GPRIN2: variants seen among roughly 807,000 people sequenced by gnomAD.
The protein encoded by GPRIN2 is G protein-regulated inducer of neurite outgrowth 2.
In GPRIN2, 1 loss-of-function variant was observed where a neutral mutation model predicts 0.3. The observed-to-expected ratio is 3.90, with a 90% confidence interval of 1.39 to 18.51. GPRIN2 has a LOEUF of 18.51. Ranked by LOEUF, GPRIN2 falls within the 30% of genes most tolerant of loss-of-function variation. The pLI, the probability that GPRIN2 is intolerant of heterozygous loss-of-function variation, is 0.11. For missense variants in GPRIN2, 880 were observed against 604.2 expected (o/e 1.46, Z -4.79); for synonymous variants, 361 against 258.6 (o/e 1.40, Z -3.80).
In GPRIN2 at chr10:46,549,900, G is replaced by A. The variant is rs1832557274; in HGVS notation, c.837C>T (p.His279=). ...GLQAQHGVKI[H]CRLSGGLPGH... ...CAGGGAGCCCCCCAGACAACCTACA[G>A]TGGATCTTCACCCCATGCTGAGCCT... The change falls in exon 3 of 3, where the codon CAC becomes CAT. Residue 279 remains histidine, a synonymous_variant. Transcript: ENST00000374314. 1.2e-6 allele frequency: 2 copies of A among 1,614,274 alleles called. No homozygotes were observed. Among genetic ancestry groups the A allele is most frequent in the Non-Finnish European group, 1.7e-6 (2 of 1,180,050 alleles).
rs1832652962 is a variant in GPRIN2 at position 46,549,618 on chromosome 10, C to T, written c.1119G>A (p.Glu373=). The part of the protein sequence containing the change: ...FPEVTLGSSL[E]EVPSPVRDVR... ...CATCCCGCACAGGGGACGGCACCTC[C>T]TCCAGGCTGGACCCCAGAGTTACCT... Residue 373 remains glutamate, a synonymous_variant, in exon 3 of 3, where the codon GAG becomes GAA. Transcript: ENST00000374314. 1.9e-6 allele frequency: 3 copies of T among 1,614,276 alleles called. No individual in the cohort carries two copies. Among genetic ancestry groups the T allele is most frequent in the Non-Finnish European group, 1.7e-6 (2 of 1,180,030 alleles).
chr10:46,545,805 T>C lies in GPRIN2; in HGVS notation c.*3555A>G, dbSNP rs1284097277. ...GTGCCAGGCACTACTTGGGTTATTC[T>C]ATTTAATCTCCACACCAAGCATGTG... On this transcript the variant is annotated 3_prime_UTR_variant, in exon 3 of 3. Coordinates refer to ENST00000374314, the MANE Select transcript of GPRIN2 (RefSeq NM_001385282.1). Among the ~76,000 whole-genome samples the C allele has an allele frequency of 1.3e-5, 2 of 152,308 alleles. No individual in the cohort carries two copies. The highest frequency in any genetic ancestry group is 4.8e-5 in the African/African-American group (2 of 41,486).
Position 46,547,200 on chromosome 10 carries a change from CA to C in GPRIN2, c.*2159del, listed in dbSNP as rs1842238611. ...GCCTCCTCCCCAAATCCATTGCACA[CA>C]TGTGTGCCTGTGTATGCGTGTGTGT... On this transcript the variant is annotated 3_prime_UTR_variant, in exon 3 of 3. Transcript: ENST00000374314. 6.6e-6 allele frequency among the ~76,000 whole-genome samples: 1 copy of C among 152,256 alleles called. No individual in the cohort carries two copies. Among genetic ancestry groups the C allele is most frequent in the Non-Finnish European group, 1.5e-5 (1 of 68,032 alleles).
In GPRIN2 at chr10:46,544,691, A is replaced by G. The variant is rs1370792159; in HGVS notation, c.*4669T>C. On this transcript the variant is annotated 3_prime_UTR_variant, in exon 3 of 3. Transcript: ENST00000374314. ...AACAACCTATTAAACAGAAGTAGGT[A>G]AAAGTTGAGAAAGGGAAGTGGCCAC... Among the ~76,000 whole-genome samples, 5 of 152,308 alleles carry G rather than the reference A, an allele frequency of 3.3e-5. No individual in the cohort carries two copies. Among genetic ancestry groups the G allele is most frequent in the African/African-American group, 4.8e-5 (2 of 41,488 alleles).
At chr10:46,553,871 G>A (rs1360696103) in intron 2 of GPRIN2, among the ~76,000 whole-genome samples, 6 of 152,306 alleles carry the variant, frequency 3.9e-5, no homozygotes, top group Admixed American at 6.5e-5. Context: ...GAAGGGCTCT[G>A]AGGGGAGTAC....
rs1842121732 is a variant in GPRIN2, at chr10:46,545,968, G to A, written c.*3392C>T. 6.6e-6 allele frequency among the ~76,000 whole-genome samples: 1 copy of A among 152,304 alleles called. No individual in the cohort carries two copies. Among genetic ancestry groups the A allele is most frequent in the African/African-American group, 2.4e-5 (1 of 41,488 alleles). The stretch of plus-strand genomic sequence containing the variant: ...TCCAGCTTTAGCCCACTAAGCTACG[G>A]TGGCCAACCCCAGCCCAAAGTGTTG... On this transcript the variant is annotated 3_prime_UTR_variant, in exon 3 of 3. Coordinates refer to ENST00000374314, the MANE Select transcript of GPRIN2 (RefSeq NM_001385282.1).
At position 46,549,642 on chromosome 10, in the gene GPRIN2, C is replaced by T; in HGVS notation, c.1095G>A (p.Glu365=). Residue 365 remains glutamate (E), a synonymous_variant, in exon 3 of 3, where the codon GAG becomes GAA. Transcript: ENST00000374314. ...CCTCCAGGCTGGACCCCAGAGTTAC[C>T]TCTGGGAACACATGCAGGGCTGCAG... ...EAPAALHVFP[E]VTLGSSLEEV... is the part of the protein sequence containing the mutation. The T allele has an allele frequency of 1.2e-6, 2 of 1,614,236 alleles. No homozygotes were observed. Among genetic ancestry groups the T allele is most frequent in the Non-Finnish European group, 1.7e-6 (2 of 1,180,006 alleles).
rs1435001425 is a variant in GPRIN2, at chr10:46,542,795, G to T, written c.*6565C>A. Among the ~76,000 whole-genome samples the T allele has an allele frequency of 1.3e-5, 2 of 152,310 alleles. No homozygotes were observed. The highest frequency in any genetic ancestry group is 4.8e-5 in the African/African-American group (2 of 41,486). ...AGAAGCATACAGGTGGGACAGTGCA[G>T]TGTGTCCCCACAGGGGCTCAGGCCA... On this transcript the variant is annotated 3_prime_UTR_variant, in exon 3 of 3. Coordinates refer to ENST00000374314, the MANE Select transcript of GPRIN2 (RefSeq NM_001385282.1).
rs2131611704 is a variant in GPRIN2 at position 46,547,402 on chromosome 10, C to G, written c.*1958G>C. 2.4e-4 allele frequency among the ~76,000 whole-genome samples: 36 copies of G among 152,410 alleles called. No homozygotes were observed. Among genetic ancestry groups the G allele is most frequent in the African/African-American group, 8.2e-4 (34 of 41,592 alleles). On this transcript the variant is annotated 3_prime_UTR_variant, in exon 3 of 3. Transcript: ENST00000374314. ...TTAAAGTTCCTTTCCTCATTTACAT[C>G]AGGATCTTCACAATGGGGACCCCTG...
In GPRIN2 at chr10:46,548,096, C is replaced by A. The variant is rs1842332631; in HGVS notation, c.*1264G>T. Among the ~76,000 whole-genome samples, 1 of 152,308 alleles carries A rather than the reference C, an allele frequency of 6.6e-6. No individual in the cohort carries two copies. Among genetic ancestry groups the A allele is most frequent in the South Asian group, 2.1e-4 (1 of 4,838 alleles). On this transcript the variant is annotated 3_prime_UTR_variant, in exon 3 of 3. Coordinates refer to ENST00000374314, the MANE Select transcript of GPRIN2 (RefSeq NM_001385282.1). ...GTCGTGGGCCATGACCCCACACTAGCCCTCTGGTCCCTCACACGGGTGGAT... is the reference window on the plus strand; with the variant it reads ...GTCGTGGGCCATGACCCCACACTAGACCTCTGGTCCCTCACACGGGTGGAT...
chr10:46,547,975 C>T lies in GPRIN2; in HGVS notation c.*1385G>A, dbSNP rs1842320708. ...ACTGTTGCATGAGTCATTTCCACCT[C>T]AATGAGTACCAGGTCCTTGAGGATG... On this transcript the variant is annotated 3_prime_UTR_variant, in exon 3 of 3. Coordinates refer to ENST00000374314, the MANE Select transcript of GPRIN2 (RefSeq NM_001385282.1). Among the ~76,000 whole-genome samples the T allele has an allele frequency of 6.6e-6, 1 of 152,310 alleles. No homozygotes were observed. Among genetic ancestry groups the T allele is most frequent in the Non-Finnish European group, 1.5e-5 (1 of 68,058 alleles).
Position 46,550,579 on chromosome 10 carries a change from C to T in GPRIN2, c.158G>A (p.Gly53Asp), listed in dbSNP as rs1832317156. 6.3e-7 allele frequency: 1 copy of T among 1,585,064 alleles called. No individual in the cohort carries two copies. Among genetic ancestry groups the T allele is most frequent in the South Asian group, 1.2e-5 (1 of 86,056 alleles). ...GGCCTGGGGTCTGGTGCTGGCCTCG[C>T]CCAGCTGGGCCTGCCACACGGTGCT... is the stretch of plus-strand genomic sequence containing the variant. ...ASSTVWQAQL[G>D]EASTRPQAPE... Residue 53 changes from glycine (G) to aspartate (D), a missense_variant, in exon 3 of 3, where the codon GGC (glycine) becomes GAC (aspartate). Physicochemically the swap from Gly to Asp is moderately conservative, Grantham distance 94. Transcript: ENST00000374314.
rs1398024273 is a variant in GPRIN2, at chr10:46,543,842, G to A, written c.*5518C>T. On this transcript the variant is annotated 3_prime_UTR_variant, in exon 3 of 3. Transcript: ENST00000374314. ...TTGGAGTGGGAGAAGCCAGGCAGGA[G>A]TCCTGGAGAGTGACCGCACAAGTGA... Among the ~76,000 whole-genome samples, 1 of 152,310 alleles carries A rather than the reference G, an allele frequency of 6.6e-6. No homozygotes were observed. The highest frequency in any genetic ancestry group is 6.5e-5 in the Admixed American group (1 of 15,294).
In GPRIN2 at chr10:46,549,218, T is replaced by C; in HGVS notation, c.*142A>G. The C allele has an allele frequency of 1.7e-6, 2 of 1,157,632 alleles. No homozygotes were observed. Among genetic ancestry groups the C allele is most frequent in the Admixed American group, 3.5e-5 (1 of 28,616 alleles). The allele number at this position is 1,157,632 out of a possible 1,614,324, so 71.7% of individuals were successfully genotyped here. ...GGCCGGAAGCCCCAGGCTGCAGTCC[T>C]GTGGTCTGGAGGCAGCCAATATTCA... On this transcript the variant is annotated 3_prime_UTR_variant, in exon 3 of 3. Coordinates refer to ENST00000374314, the MANE Select transcript of GPRIN2 (RefSeq NM_001385282.1).
In GPRIN2 at chr10:46,543,397, A is replaced by G. The variant is rs1212909978; in HGVS notation, c.*5963T>C. On this transcript the variant is annotated 3_prime_UTR_variant, in exon 3 of 3. Transcript: ENST00000374314. ...AGAACAAAGAGAACATGAAACCACA[A>G]AAGAAGAACAGATTAAAGAGAAATG... 6.6e-6 allele frequency among the ~76,000 whole-genome samples: 1 copy of G among 152,310 alleles called. No individual in the cohort carries two copies. Among genetic ancestry groups the G allele is most frequent in the African/African-American group, 2.4e-5 (1 of 41,488 alleles).
rs1841828034 is a variant in GPRIN2, at chr10:46,542,379, T to G, written c.*6981A>C. Among the ~76,000 whole-genome samples the G allele has an allele frequency of 6.6e-6, 1 of 152,310 alleles. No homozygotes were observed. Among genetic ancestry groups the G allele is most frequent in the Non-Finnish European group, 1.5e-5 (1 of 68,056 alleles). On this transcript the variant is annotated 3_prime_UTR_variant, in exon 3 of 3. Coordinates refer to ENST00000374314, the MANE Select transcript of GPRIN2 (RefSeq NM_001385282.1). ...TAATCCCCATGTGACAAGGGAGAGA[T>G]CAGGTGGAGGTGATGGAATCGTGGG...
rs1471513057 is a variant in GPRIN2 at position 46,541,889 on chromosome 10, G to C, written c.*7471C>G. On this transcript the variant is annotated 3_prime_UTR_variant, in exon 3 of 3. Transcript: ENST00000374314. ...ACGGTATCCCAGGTGCCAGCCCCCT[G>C]TGTCCACACCCCTGCTGGTTCCTGC... Among the ~76,000 whole-genome samples the C allele has an allele frequency of 6.6e-6, 1 of 152,302 alleles. No homozygotes were observed. Among genetic ancestry groups the C allele is most frequent in the Non-Finnish European group, 1.5e-5 (1 of 68,054 alleles).
At position 46,552,973 on chromosome 10, in the gene GPRIN2, T is replaced by C. The variant is rs1832080653; in HGVS notation, c.-7+1612A>G. Among the ~76,000 whole-genome samples, 5 of 152,428 alleles carry C rather than the reference T, an allele frequency of 3.3e-5. No homozygotes were observed. The East Asian group carries it at 5.8e-4, about 18-fold the overall frequency. On this transcript the variant is annotated intron_variant, in intron 2 of 2. Coordinates refer to ENST00000374314, the MANE Select transcript of GPRIN2 (RefSeq NM_001385282.1). ...AAACAAAGGAGGGCAATAAAGCCCG[T>C]AACAGCGATGATAATAACAGCTGCC... is the stretch of plus-strand genomic sequence containing the variant.
Position 46,548,698 on chromosome 10 carries a change from C to T in GPRIN2, c.*662G>A, listed in dbSNP as rs1842390384. The stretch of plus-strand genomic sequence containing the variant: ...ATGAGCTCAGTAAATTCTCCTCATA[C>T]ATGACTGCACTGACTGGACCGGGCA... On this transcript the variant is annotated 3_prime_UTR_variant, in exon 3 of 3. Transcript: ENST00000374314. 6.6e-6 allele frequency among the ~76,000 whole-genome samples: 1 copy of T among 152,312 alleles called. No homozygotes were observed. The highest frequency in any genetic ancestry group is 6.5e-5 in the Admixed American group (1 of 15,294).
Sources: gnomAD v4.1 joint callset for allele counts (sites outside exome capture counted in the v4.1 genomes callset) on GRCh38, gnomAD v4.1.1 for gene constraint, MANE v1.5 for transcripts, NCBI Gene and HGNC (gene_info 2026-07-23, HGNC 2026-07-21) for gene names.